SLC4A5: variants seen among roughly 807,000 people sequenced by gnomAD.
SLC4A5 encodes electrogenic sodium bicarbonate cotransporter 4.
Under a neutral mutation model 120.4 loss-of-function variants are expected in SLC4A5, and 96 were observed. The observed-to-expected ratio is 0.80, with a 90% CI of 0.68 to 0.94. SLC4A5 has a LOEUF of 0.94. Ranked by LOEUF, SLC4A5 falls within the 40% of genes least tolerant of loss-of-function variation. SLC4A5 has a pLI of 0.00. For missense variants in SLC4A5, 1,259 were observed against 1,459.5 expected (o/e 0.86, Z 2.24); for synonymous variants, 550 against 571.1 (o/e 0.96, Z 0.53).
At chr2:74,229,190 C>T (rs1199162234) in intron 25 of SLC4A5, among the ~76,000 whole-genome samples, 1 of 149,460 alleles carries the variant, frequency 6.7e-6, no homozygotes, top group Non-Finnish European at 1.5e-5. Flanking sequence ...CCCACCTCGG[C>T]CTCCCAAAGT....
At chr2:74,234,979 AC>A in intron 22 of SLC4A5, 121 bp downstream of exon 22, 2 of 747,392 alleles carry the variant, frequency 2.7e-6, no homozygotes, top group Non-Finnish European at 4.4e-6. Flanking sequence ...AAGGTGGCAC[AC>A]AGAGAACTAA....
chr2:74,252,273 C>T, exon 16 of SLC4A5: 1 of 1,610,762 alleles, frequency 6.2e-7, no homozygotes. Flanking sequence ...CCACTGCCAG[C>T]CCCGCCGCCA....
intron 29 of SLC4A5, among the ~76,000 whole-genome samples, chr2:74,222,396 T>G (rs1477671597): frequency 6.6e-6 from 1 of 152,134 alleles, no homozygotes; most frequent in Non-Finnish European, 1.5e-5. Flanking sequence ...GGAGTACCAG[T>G]CCTGGTGGCC....
chr2:74,305,999 T>C (rs1197408380), intron 6 of SLC4A5, among the ~76,000 whole-genome samples: 1 of 152,138 alleles, frequency 6.6e-6, no homozygotes, highest in Non-Finnish European at 1.5e-5. Flanking sequence ...GCCGGTATTA[T>C]AGGCGTGAGC....
chr2:74,261,462 T>C (rs996801125), intron 11 of SLC4A5, among the ~76,000 whole-genome samples: 1 of 152,260 alleles, frequency 6.6e-6, no homozygotes, highest in Non-Finnish European at 1.5e-5. Context: ...GGTACAGCAC[T>C]GGGCTGAACT....
chr2:74,276,547 A>G (rs1671644995), intron 8 of SLC4A5, among the ~76,000 whole-genome samples: 1 of 152,180 alleles, frequency 6.6e-6, no homozygotes. Context: ...GAGGAAGATG[A>G]GTTTGAGTTT....
chr2:74,262,317 A>AAAAC (rs1437383775), intron 10 of SLC4A5, 85 bp from the exon 11 acceptor site: 3 of 997,382 alleles, frequency 3.0e-6, no homozygotes, highest in Non-Finnish European at 4.5e-6. Flanking sequence ...TTAACTAAAT[A>AAAAC]AAACTGGGTG....
intron 22 of SLC4A5, among the ~76,000 whole-genome samples, chr2:74,234,335 C>T (rs1308079626): frequency 1.3e-5 from 2 of 152,194 alleles, no homozygotes; most frequent in African/African-American, 2.4e-5. Context: ...CCCGCCACCA[C>T]GCCCGGCTAA....
rs112034333 is a variant in SLC4A5, at chr2:74,282,729, G to T, written c.401+3044C>A. ...GGGCCATAAGGCCTTCTTGGCAAGG[G>T]CTCCACGGGTGTGTGTGATAGGCCC... On this transcript the variant is annotated intron_variant, in intron 8 of 30. Transcript: ENST00000394019. 9.7e-3 allele frequency among the ~76,000 whole-genome samples: 1,485 copies of T among 152,344 alleles called. 17 individuals are homozygous for T. The highest frequency in any genetic ancestry group is 0.033 in the African/African-American group (1,380 of 41,584).
chr2:74,216,744 G>A (rs2103850070), exon 31 of SLC4A5: 1 of 152,298 alleles, frequency 6.6e-6, no homozygotes, highest in Non-Finnish European at 1.5e-5. Flanking sequence ...AAATGGCTGG[G>A]ACTACAGGTG....
At chr2:74,264,147 T>C (rs747334179) in exon 10 of SLC4A5, 4 of 1,613,318 alleles carry the variant, frequency 2.5e-6, no homozygotes, top group East Asian at 4.5e-5. Context: ...CCTGACTCAC[T>C]TGTGGTGGAG....
intron 12 of SLC4A5, among the ~76,000 whole-genome samples, chr2:74,259,002 G>T (rs182021580): frequency 7.2e-5 from 11 of 152,250 alleles, no homozygotes; most frequent in African/African-American, 2.4e-4. Context: ...GCAGGAGTTG[G>T]AATTAAGGGG....
rs574205995 is a variant in SLC4A5 at position 74,274,026 on chromosome 2, G to A, written c.402-8762C>T. On this transcript the variant is annotated intron_variant, in intron 8 of 30. Transcript: ENST00000394019. ...CTAAAAATACAAAGATTAGCCAGGC[G>A]TGGTTGTGCATGCCTGTAATCCCAG... 4.6e-5 allele frequency among the ~76,000 whole-genome samples: 7 copies of A among 152,350 alleles called. No homozygotes were observed. The South Asian group carries it at 8.3e-4, about 18-fold the overall frequency.
intron 19 of SLC4A5, 85 bp from the exon 20 acceptor site, chr2:74,242,137 G>A (rs1442158021): frequency 1.6e-6 from 2 of 1,279,534 alleles, no homozygotes; most frequent in Non-Finnish European, 2.2e-6. Flanking sequence ...TCTCCTTCCA[G>A]TTCCTTAGAG....
intron 8 of SLC4A5, among the ~76,000 whole-genome samples, chr2:74,280,120 A>G (rs1671765326): frequency 6.6e-6 from 1 of 152,112 alleles, no homozygotes; most frequent in South Asian, 2.1e-4. Flanking sequence ...GCTGGCATAG[A>G]ATCTGCATCA....
rs949344944 is a variant in SLC4A5, at chr2:74,267,110, T to C, written c.402-1846A>G. On this transcript the variant is annotated intron_variant, in intron 8 of 30. Transcript: ENST00000394019. ...TCATGGACTTTTAAATTACTACAAA[T>C]GAAATAACATTCTTCATTTTTTAAT... Among the ~76,000 whole-genome samples, 27 of 152,316 alleles carry C rather than the reference T, an allele frequency of 1.8e-4. 1 individual carries two copies. Among genetic ancestry groups the C allele is most frequent in the Non-Finnish European group, 1.3e-4 (9 of 68,024 alleles).
At chr2:74,250,750 G>GAA (rs1670765548) in intron 16 of SLC4A5, 1 of 510,136 alleles carries the variant, frequency 2.0e-6, no homozygotes. Flanking sequence ...TTTGGAGAGG[G>GAA]AAAGTCTGAT....
intron 25 of SLC4A5, among the ~76,000 whole-genome samples, chr2:74,228,112 TG>T (rs1287941623): frequency 1.3e-5 from 2 of 152,168 alleles, no homozygotes; most frequent in Non-Finnish European, 2.9e-5. Context: ...TCTCCTGGCC[TG>T]GCCCCTCACT....
exon 15 of SLC4A5, chr2:74,253,098 T>G: frequency 6.2e-7 from 1 of 1,614,100 alleles, no homozygotes; most frequent in South Asian, 1.1e-5. Flanking sequence ...TCTTCCCGAT[T>G]GCGGGCTTTG....
Sources: allele counts gnomAD v4.1 joint callset (sites outside exome capture counted in the v4.1 genomes callset), GRCh38; gene constraint gnomAD v4.1.1; transcripts MANE v1.5; gene names NCBI Gene and HGNC (gene_info 2026-07-23, HGNC 2026-07-21).